ARB2A: variants seen among roughly 807,000 people sequenced by gnomAD.
ARB2A encodes cotranscriptional regulator ARB2A.
At chr5:94,020,738 C>T in the ARB2A span, among the ~76,000 whole-genome samples, 2 of 152,176 alleles carry the variant, frequency 1.3e-5, no homozygotes, top group Admixed American at 6.5e-5. Context: ...CCACAACAGG[C>T]TATGTCTGAA....
At chr5:93,693,242 C>CA in the ARB2A span, among the ~76,000 whole-genome samples, 1 of 151,884 alleles carries the variant, frequency 6.6e-6, no homozygotes, top group South Asian at 2.1e-4. Flanking sequence ...AAAAACCCTT[C>CA]AAAAAAATCA....
chr5:94,078,775 T>C, the ARB2A span, among the ~76,000 whole-genome samples: 9 of 152,012 alleles, frequency 5.9e-5, no homozygotes, highest in African/African-American at 1.7e-4. Flanking sequence ...TCTAGGTTTT[T>C]AATTTCAGTT....
chr5:93,894,353 T>C, the ARB2A span, among the ~76,000 whole-genome samples: 1 of 152,126 alleles, frequency 6.6e-6, no homozygotes, highest in East Asian at 1.9e-4. Context: ...CTTAGCACCA[T>C]GTTTAATTCT....
At chr5:93,653,653 T>C in the ARB2A span, among the ~76,000 whole-genome samples, 1 of 151,314 alleles carries the variant, frequency 6.6e-6, no homozygotes, top group South Asian at 2.1e-4. Context: ...AACCCAGCAT[T>C]TGACCAAGGA....
chr5:93,780,538 C>CCA, the ARB2A span, among the ~76,000 whole-genome samples: 1 of 151,638 alleles, frequency 6.6e-6, no homozygotes, highest in African/African-American at 2.4e-5. Flanking sequence ...CTCCCATCTC[C>CCA]TCCCCTCCCC....
At chr5:94,040,906 C>T in the ARB2A span, among the ~76,000 whole-genome samples, 3 of 152,206 alleles carry the variant, frequency 2.0e-5, no homozygotes, top group East Asian at 3.9e-4. Flanking sequence ...TTTCGTCACA[C>T]GTATTTTGCT....
At chr5:93,874,863 A>G in the ARB2A span, among the ~76,000 whole-genome samples, 2 of 152,206 alleles carry the variant, frequency 1.3e-5, no homozygotes, top group African/African-American at 2.4e-5. Flanking sequence ...TGAAAGGTAC[A>G]AGGGCCAGGG....
chr5:93,682,493 T>C, the ARB2A span, among the ~76,000 whole-genome samples: 1 of 151,750 alleles, frequency 6.6e-6, no homozygotes, highest in South Asian at 2.1e-4. Flanking sequence ...AAATTTTGAT[T>C]AGGCAAAAAG....
the ARB2A span, among the ~76,000 whole-genome samples, chr5:93,960,528 T>G: frequency 2.2e-4 from 34 of 152,304 alleles, no homozygotes; most frequent in South Asian, 2.9e-3. Context: ...TTGTATCCAC[T>G]TATATAGTCT....
chr5:94,019,916 T>C, the ARB2A span, among the ~76,000 whole-genome samples: 4 of 152,218 alleles, frequency 2.6e-5, no homozygotes, highest in African/African-American at 7.2e-5. Flanking sequence ...CAGTGTAATG[T>C]TGGATTTCCC....
At chr5:93,656,522 A>C in the ARB2A span, among the ~76,000 whole-genome samples, 1 of 152,174 alleles carries the variant, frequency 6.6e-6, no homozygotes, top group Non-Finnish European at 1.5e-5. Context: ...CTCACGAAAA[A>C]GCTCTATCTC....
chr5:93,743,952 C>T, the ARB2A span, among the ~76,000 whole-genome samples: 2 of 152,116 alleles, frequency 1.3e-5, no homozygotes, highest in African/African-American at 4.8e-5. Context: ...AGGCATGAGC[C>T]ATCGCGCCTG....
the ARB2A span, among the ~76,000 whole-genome samples, chr5:93,724,728 T>C: frequency 9.4e-4 from 143 of 152,140 alleles, 1 homozygote; most frequent in African/African-American, 3.2e-3. Flanking sequence ...AAACCCTACA[T>C]ATACAGTGTT....
chr5:93,872,688 C>T, the ARB2A span, among the ~76,000 whole-genome samples: 1,006 of 152,068 alleles, frequency 6.6e-3, 6 homozygotes, highest in Non-Finnish European at 8.4e-3. Flanking sequence ...GAGGCTGAGG[C>T]GGGCGGATCA....
chr5:93,824,581 C>T, the ARB2A span, among the ~76,000 whole-genome samples: 11 of 152,186 alleles, frequency 7.2e-5, no homozygotes, highest in Admixed American at 2.0e-4. Flanking sequence ...TAAAGAACTC[C>T]GGGTCCTGGT....
the ARB2A span, among the ~76,000 whole-genome samples, chr5:93,968,783 A>C: frequency 6.6e-6 from 1 of 152,078 alleles, no homozygotes; most frequent in African/African-American, 2.4e-5. Flanking sequence ...CCAAAGTGAA[A>C]ATCTTAAAAG....
the ARB2A span, among the ~76,000 whole-genome samples, chr5:93,803,818 C>T: frequency 1.1e-3 from 169 of 151,386 alleles, 1 homozygote; most frequent in African/African-American, 3.5e-3. Context: ...TATGAATAAA[C>T]GTCCCTGGTC....
At chr5:93,708,184 A>G in the ARB2A span, among the ~76,000 whole-genome samples, 1 of 152,208 alleles carries the variant, frequency 6.6e-6, no homozygotes, top group East Asian at 1.9e-4. Context: ...TGCCAAAGTC[A>G]CAAGAGTCAT....
At chr5:94,038,395 C>A in the ARB2A span, among the ~76,000 whole-genome samples, 1 of 152,046 alleles carries the variant, frequency 6.6e-6, no homozygotes, top group South Asian at 2.1e-4. Context: ...ACTCTCCCAC[C>A]TCCTTAAGCT....
Sources: allele counts gnomAD v4.1 joint callset (sites outside exome capture counted in the v4.1 genomes callset), GRCh38; gene constraint gnomAD v4.1.1; transcripts MANE v1.5; gene names NCBI Gene and HGNC (gene_info 2026-07-23, HGNC 2026-07-21).